KCTD5: variants seen among roughly 807,000 people sequenced by gnomAD.
KCTD5 encodes the protein potassium channel tetramerization domain containing 5, also known as BTB/POZ domain-containing protein KCTD5.
A neutral mutation model predicts 27.9 loss-of-function variants in KCTD5; 12 were observed. The observed-to-expected ratio is 0.43, with a 90% CI of 0.28 to 0.70. KCTD5 has a LOEUF of 0.70. Ranked by LOEUF, KCTD5 falls within the 30% of genes least tolerant of loss-of-function variation. The probability of loss-of-function intolerance (pLI) is 0.19; values close to 1 mark genes in which losing one functional copy is unlikely to be tolerated. For missense variants in KCTD5, 226 were observed against 274.8 expected (o/e 0.82, Z 1.26); for synonymous variants, 147 against 121.4 (o/e 1.21, Z -1.39).
chr16:2,701,518 C>T (rs1001063283), intron 4 of KCTD5, among the ~76,000 whole-genome samples: 1 of 152,188 alleles, frequency 6.6e-6, no homozygotes, highest in Non-Finnish European at 1.5e-5. Flanking sequence ...GGGCCCATGC[C>T]GGCACCCCTG....
intron 1 of KCTD5, among the ~76,000 whole-genome samples, chr16:2,690,137 C>T (rs2067558948): frequency 6.6e-6 from 1 of 152,262 alleles, no homozygotes; most frequent in Non-Finnish European, 1.5e-5. Flanking sequence ...GTCTTGTTAC[C>T]ACACTTCTCT....
intron 5 of KCTD5, among the ~76,000 whole-genome samples, chr16:2,705,852 C>T (rs919546713): frequency 2.6e-5 from 4 of 152,214 alleles, no homozygotes; most frequent in African/African-American, 7.2e-5. Context: ...GGGCGAAGGA[C>T]AGCACTTTGG....
In KCTD5 at chr16:2,707,981, C is replaced by G. The variant is rs1430052268; in HGVS notation, c.*654C>G. On this transcript the variant is annotated 3_prime_UTR_variant, in exon 6 of 6. Coordinates refer to ENST00000301738, the MANE Select transcript of KCTD5 (RefSeq NM_018992.4). ...AATTTGTATTTTCCAGGCAAGAGAACTTTGTACCCCTTCTCTGTGTGGATA... is the reference window on the plus strand; with the variant it reads ...AATTTGTATTTTCCAGGCAAGAGAAGTTTGTACCCCTTCTCTGTGTGGATA... 4.5e-5 allele frequency: 7 copies of G among 154,724 alleles called. No individual in the cohort carries two copies. In the East Asian group the frequency reaches 1.1e-3, roughly 25 times the overall value. The allele number at this position is 154,724 out of a possible 1,614,324, so 9.6% of individuals were successfully genotyped here.
At chr16:2,705,616 C>T (rs187421807) in intron 5 of KCTD5, among the ~76,000 whole-genome samples, 27 of 152,262 alleles carry the variant, frequency 1.8e-4, no homozygotes, top group African/African-American at 3.6e-4. Flanking sequence ...ATCCCTGATG[C>T]GCTTAAGCCT....
intron 2 of KCTD5, among the ~76,000 whole-genome samples, chr16:2,696,456 G>A (rs1184610213): frequency 6.6e-6 from 1 of 152,038 alleles, no homozygotes; most frequent in African/African-American, 2.4e-5. Context: ...GCCCAAGGGT[G>A]GTGAATGTCT....
chr16:2,687,369 T>C (rs984525691), intron 1 of KCTD5, among the ~76,000 whole-genome samples: 2 of 152,236 alleles, frequency 1.3e-5, no homozygotes, highest in Non-Finnish European at 2.9e-5. Flanking sequence ...TCCAGACTTC[T>C]GCGGGTGGCT....
intron 4 of KCTD5, 144 bp from the exon 5 acceptor site, chr16:2,702,209 T>C: frequency 9.5e-7 from 1 of 1,055,070 alleles, no homozygotes. Flanking sequence ...GTTCCGGGGA[T>C]TTGTTTTCCA....
chr16:2,699,708 T>C, intron 3 of KCTD5, 113 bp from the exon 4 acceptor site: 1 of 879,606 alleles, frequency 1.1e-6, no homozygotes, highest in Non-Finnish European at 1.9e-6. Flanking sequence ...CCTCGTGCCC[T>C]GTGCTGAGAA....
rs764905898 is a variant in KCTD5, at chr16:2,702,492, C to T, written c.675+14C>T. On this transcript the variant is annotated intron_variant, in intron 5 of 5. Coordinates refer to ENST00000301738, the MANE Select transcript of KCTD5 (RefSeq NM_018992.4). ...GAGAAGGCCAAGGTGAGTGCTGGGC[C>T]GGCCCTGGCCTGGGGCAGTCTTGGG... 19 of 1,611,792 alleles carry T rather than the reference C, an allele frequency of 1.2e-5. No individual in the cohort carries two copies. The highest frequency in any genetic ancestry group is 1.0e-4 in the Admixed American group (6 of 59,914).
rs575533262 is a variant in KCTD5, at chr16:2,690,181, G to A, written c.253-5754G>A. Among the ~76,000 whole-genome samples the A allele has an allele frequency of 3.9e-5, 6 of 152,360 alleles. No individual in the cohort carries two copies. In the South Asian group the frequency reaches 1.2e-3, roughly 32 times the overall value. ...CTCTCCTGACCAGACGTCCATCTGCGGCTGCCCTGTGGACCTGGGGAGTGG... is the reference window on the plus strand; with the variant it reads ...CTCTCCTGACCAGACGTCCATCTGCAGCTGCCCTGTGGACCTGGGGAGTGG... On this transcript the variant is annotated intron_variant, in intron 1 of 5. Transcript: ENST00000301738.
At position 2,698,011 on chromosome 16, in the gene KCTD5, CTG is replaced by C; in HGVS notation, c.453+15_453+16del. 1 of 1,586,268 alleles carries C rather than the reference CTG, an allele frequency of 6.3e-7. No individual in the cohort carries two copies. The highest frequency in any genetic ancestry group is 8.7e-7 in the Non-Finnish European group (1 of 1,155,192). On this transcript the variant is annotated intron_variant, in intron 3 of 5. Coordinates refer to ENST00000301738, the MANE Select transcript of KCTD5 (RefSeq NM_018992.4). ...AAAACATCGCAGGTGAGACAAATGA[CTG>C]AGGCTGGAAGCTTGTATGGCTGGTG... is the stretch of plus-strand genomic sequence containing the variant.
intron 5 of KCTD5, among the ~76,000 whole-genome samples, chr16:2,706,753 C>G (rs1348854141): frequency 6.6e-6 from 1 of 151,808 alleles, no homozygotes; most frequent in African/African-American, 2.4e-5. Flanking sequence ...GTGATCTGCA[C>G]TTGGGGTAGG....
In KCTD5 at chr16:2,707,291, T is replaced by C. The variant is rs769312504; in HGVS notation, c.676-7T>C. On this transcript the variant is annotated splice_region_variant and splice_polypyrimidine_tract_variant and intron_variant, in intron 5 of 5. Transcript: ENST00000301738. ...AGTCCTCATTTTATGCATTTGGTGT[T>C]TTTCAGATTTTGCAAGAACGAGGCT... is the stretch of plus-strand genomic sequence containing the variant. 7 of 1,613,584 alleles carry C rather than the reference T, an allele frequency of 4.3e-6. No individual in the cohort carries two copies. The highest frequency in any genetic ancestry group is 4.0e-5 in the African/African-American group (3 of 74,918).
At chr16:2,696,154 G>C (rs2142055686) in intron 2 of KCTD5, 111 bp downstream of exon 2, 1 of 464,370 alleles carries the variant, frequency 2.2e-6, no homozygotes, top group South Asian at 2.1e-5. Context: ...CCCCAGGGAG[G>C]AGCAGGCCCT....
intron 5 of KCTD5, among the ~76,000 whole-genome samples, chr16:2,705,759 C>T (rs1168326368): frequency 6.6e-6 from 1 of 152,164 alleles, no homozygotes; most frequent in Admixed American, 6.5e-5. Flanking sequence ...TGGAAGATGG[C>T]CTAGGGAGAC....
chr16:2,707,415 G>C lies in KCTD5; in HGVS notation c.*88G>C. 7.5e-7 allele frequency: 1 copy of C among 1,329,542 alleles called. No individual in the cohort carries two copies. Among genetic ancestry groups the C allele is most frequent in the Non-Finnish European group, 1.1e-6 (1 of 920,802 alleles). The allele number at this position is 1,329,542 out of a possible 1,614,324, so 82.4% of individuals were successfully genotyped here. A position where few individuals can be genotyped will look rare whatever the true frequency, so the allele number is the denominator to read the frequency against. ...TGTCCAGGAAGCTTGGCTGTGAGAAGAAACCTGCTTTTGATCATTTTTCTA... is the reference window on the plus strand; with the variant it reads ...TGTCCAGGAAGCTTGGCTGTGAGAACAAACCTGCTTTTGATCATTTTTCTA... On this transcript the variant is annotated 3_prime_UTR_variant, in exon 6 of 6. Transcript: ENST00000301738.
intron 4 of KCTD5, 121 bp downstream of exon 4, chr16:2,700,037 G>C: frequency 1.1e-6 from 1 of 911,778 alleles, no homozygotes; most frequent in Non-Finnish European, 1.7e-6. Context: ...CTGCAGTTCT[G>C]GGGGTGCTCA....
intron 1 of KCTD5, among the ~76,000 whole-genome samples, chr16:2,692,735 C>T (rs1475904258): frequency 2.0e-5 from 3 of 152,226 alleles, no homozygotes; most frequent in Non-Finnish European, 4.4e-5. Context: ...CCCCCTTCTT[C>T]CCAGGAATCT....
chr16:2,706,077 C>T (rs1293016119), intron 5 of KCTD5, among the ~76,000 whole-genome samples: 4 of 152,312 alleles, frequency 2.6e-5, no homozygotes, highest in South Asian at 4.1e-4. Flanking sequence ...ACGTGCTGCC[C>T]CTCGCACAGG....
Sources: allele counts gnomAD v4.1 joint callset (sites outside exome capture counted in the v4.1 genomes callset), GRCh38; gene constraint gnomAD v4.1.1; transcripts MANE v1.5; gene names NCBI Gene and HGNC (gene_info 2026-07-23, HGNC 2026-07-21).